Variants in MGAT4C observed in about 807,000 individuals in gnomAD.
The protein encoded by MGAT4C is MGAT4 family member C.
Under a neutral mutation model 40.1 loss-of-function variants are expected in MGAT4C, and 19 were observed. That is an observed-to-expected ratio of 0.47 (90% CI 0.33 to 0.70). The LOEUF (loss-of-function observed/expected upper bound fraction) is 0.70. Ranked by LOEUF, MGAT4C falls within the 30% of genes least tolerant of loss-of-function variation. The pLI is 0.02. For missense variants in MGAT4C, 491 were observed against 563.2 expected (o/e 0.87, Z 1.30); for synonymous variants, 181 against 187.1 (o/e 0.97, Z 0.27).
At chr12:86,746,912 C>T (rs1039328467) in intron 1 of MGAT4C, among the ~76,000 whole-genome samples, 1 of 151,568 alleles carries the variant, frequency 6.6e-6, no homozygotes, top group Admixed American at 6.6e-5. Context: ...TCGCTTGCTA[C>T]ATTTAAAGCC....
rs570400325 is a variant in MGAT4C at position 85,982,222 on chromosome 12, C to A, written c.295+1301G>T. Among the ~76,000 whole-genome samples, 16 of 152,118 alleles carry A rather than the reference C, an allele frequency of 1.1e-4. No homozygotes were observed. The South Asian group carries it at 3.3e-3, about 32-fold the overall frequency. On this transcript the variant is annotated intron_variant, in intron 4 of 4. Transcript: ENST00000611864. ...TGAAATGGAGTCTTGCTCTGTTGCC[C>A]AGGCTGGAATGCAGTGGTGCGAACT...
At chr12:86,361,729 G>GA (rs2136202318) in intron 3 of MGAT4C, among the ~76,000 whole-genome samples, 1 of 152,266 alleles carries the variant, frequency 6.6e-6, no homozygotes, top group Non-Finnish European at 1.5e-5. Flanking sequence ...ACAGACACAT[G>GA]AAAAAATGCT....
At chr12:86,153,105 T>C (rs1320888246) in intron 1 of MGAT4C, among the ~76,000 whole-genome samples, 3 of 152,154 alleles carry the variant, frequency 2.0e-5, no homozygotes, top group Admixed American at 2.0e-4. Context: ...GTAGATGTGG[T>C]GGAGAGTACC....
At chr12:86,310,893 C>T (rs1954056541) in intron 4 of MGAT4C, among the ~76,000 whole-genome samples, 1 of 152,184 alleles carries the variant, frequency 6.6e-6, no homozygotes, top group African/African-American at 2.4e-5. Flanking sequence ...CACCGCACTC[C>T]AGCCTGTGCG....
At chr12:86,052,928 T>C (rs1223850921) in intron 1 of MGAT4C, among the ~76,000 whole-genome samples, 1 of 151,980 alleles carries the variant, frequency 6.6e-6, no homozygotes, top group African/African-American at 2.4e-5. Flanking sequence ...ATAGGTTTCA[T>C]CTCTATAAGC....
At chr12:86,438,670 T>A (rs1405834767) in intron 2 of MGAT4C, among the ~76,000 whole-genome samples, 1 of 151,936 alleles carries the variant, frequency 6.6e-6, no homozygotes, top group Admixed American at 6.6e-5. Flanking sequence ...ACTTAAATGA[T>A]ACAGACTGTC....
chr12:86,650,316 G>A (rs1194621933), intron 2 of MGAT4C, among the ~76,000 whole-genome samples: 6 of 151,872 alleles, frequency 4.0e-5, no homozygotes, highest in Non-Finnish European at 8.8e-5. Context: ...AAACATAGTT[G>A]TGCTTCTGCA....
At chr12:86,033,541 G>A (rs1202758321) in intron 2 of MGAT4C, among the ~76,000 whole-genome samples, 3 of 148,924 alleles carry the variant, frequency 2.0e-5, no homozygotes, top group Non-Finnish European at 4.5e-5. Flanking sequence ...GATTGCATTC[G>A]TGATTTGGCT....
intron 2 of MGAT4C, among the ~76,000 whole-genome samples, chr12:86,704,675 C>T (rs1449089064): frequency 6.6e-6 from 1 of 151,948 alleles, no homozygotes; most frequent in Non-Finnish European, 1.5e-5. Context: ...ATTTATTATC[C>T]AACATTTGTT....
At chr12:86,104,056 T>G (rs772350256) in intron 1 of MGAT4C, among the ~76,000 whole-genome samples, 3 of 152,080 alleles carry the variant, frequency 2.0e-5, no homozygotes, top group Non-Finnish European at 4.4e-5. Flanking sequence ...GAATTTCCTC[T>G]GTCTGGGCAC....
At chr12:86,658,774 T>G (rs1963907270) in intron 2 of MGAT4C, among the ~76,000 whole-genome samples, 1 of 152,130 alleles carries the variant, frequency 6.6e-6, no homozygotes. Flanking sequence ...CCGGGAAAAT[T>G]ATACTTTCTT....
intron 1 of MGAT4C, among the ~76,000 whole-genome samples, chr12:86,766,482 AC>A (rs1951510745): frequency 6.6e-6 from 1 of 152,022 alleles, no homozygotes; most frequent in Admixed American, 6.6e-5. Context: ...TAACAAGGAT[AC>A]CCGGGAATTG....
chr12:86,313,256 C>T (rs1954123398), intron 4 of MGAT4C, among the ~76,000 whole-genome samples: 1 of 152,044 alleles, frequency 6.6e-6, no homozygotes, highest in African/African-American at 2.4e-5. Context: ...TGTGTGAAAT[C>T]ATTGAGGGTA....
chr12:86,151,992 C>A (rs1356676225), intron 1 of MGAT4C, among the ~76,000 whole-genome samples: 1 of 152,212 alleles, frequency 6.6e-6, no homozygotes, highest in South Asian at 2.1e-4. Flanking sequence ...ACACCTGACA[C>A]CATGCTTACA....
At chr12:86,078,466 A>T (rs1478945890) in intron 1 of MGAT4C, among the ~76,000 whole-genome samples, 1 of 152,226 alleles carries the variant, frequency 6.6e-6, no homozygotes, top group Non-Finnish European at 1.5e-5. Flanking sequence ...CACTGCATGC[A>T]GGATAGGCAA....
chr12:86,466,383 A>T (rs1056260191), intron 2 of MGAT4C, among the ~76,000 whole-genome samples: 2 of 152,360 alleles, frequency 1.3e-5, no homozygotes, highest in African/African-American at 2.4e-5. Flanking sequence ...CTATCAAGTT[A>T]TGAAAAGATT....
At chr12:86,585,142 TTA>T (rs1259971985) in intron 2 of MGAT4C, among the ~76,000 whole-genome samples, 1 of 151,450 alleles carries the variant, frequency 6.6e-6, no homozygotes, top group Non-Finnish European at 1.5e-5. Context: ...CTATATTCCT[TTA>T]TGTTATACTT....
At chr12:86,468,092 C>A (rs1592884210) in intron 2 of MGAT4C, among the ~76,000 whole-genome samples, 1 of 152,006 alleles carries the variant, frequency 6.6e-6, no homozygotes, top group African/African-American at 2.4e-5. Flanking sequence ...AAAATTATTT[C>A]TTTAACTCAA....
chr12:86,632,386 A>C lies in MGAT4C; in HGVS notation c.-229+94823T>G, dbSNP rs555920858. ...ATCGAGAACTAGAAATACCATTTGA[A>C]CCAGCCATCCCATTACTGGGTATAT... On this transcript the variant is annotated intron_variant, in intron 2 of 7. Transcript: ENST00000548651. Among the ~76,000 whole-genome samples, 10 of 152,182 alleles carry C rather than the reference A, an allele frequency of 6.6e-5. No homozygotes were observed. In the South Asian group the frequency reaches 1.2e-3, roughly 19 times the overall value.
Sources: allele counts gnomAD v4.1 joint callset (sites outside exome capture counted in the v4.1 genomes callset), GRCh38; gene constraint gnomAD v4.1.1; transcripts MANE v1.5; gene names NCBI Gene and HGNC (gene_info 2026-07-23, HGNC 2026-07-21).